GLI3: variants seen among roughly 807,000 people sequenced by gnomAD.
The protein encoded by GLI3 is GLI family zinc finger 3.
A neutral mutation model predicts 100.8 loss-of-function variants in GLI3; 20 were observed. The observed-to-expected ratio is 0.20, with a 90% CI of 0.14 to 0.29. The LOEUF (loss-of-function observed/expected upper bound fraction) is 0.29, where lower values mean the gene tolerates loss of function less well. GLI3 is among the 10% of genes least tolerant of loss of function. The probability of loss-of-function intolerance (pLI) is 1.00; values close to 1 mark genes in which losing one functional copy is unlikely to be tolerated. For synonymous variants in GLI3, 938 were observed against 860.5 expected (o/e 1.09, Z -1.58); for missense variants, 2,040 against 2,128.5 (o/e 0.96, Z 0.82).
chr7:42,087,669 T>A (rs987499967), intron 3 of GLI3, among the ~76,000 whole-genome samples: 1 of 150,724 alleles, frequency 6.6e-6, no homozygotes, highest in Admixed American at 6.6e-5. Context: ...GTTTAAAAGC[T>A]CATGACAGAA....
rs3057276 is a variant in GLI3 at position 42,254,217 on chromosome 7, T to TAAAAAAAAA, written c.-43+9768_-43+9776dup. Among the ~76,000 whole-genome samples, 162 of 118,474 alleles carry TAAAAAAAAA rather than the reference T, an allele frequency of 1.4e-3. 4 individuals carry two copies. Among genetic ancestry groups the TAAAAAAAAA allele is most frequent in the East Asian group, 0.01 (41 of 4,004 alleles). The allele number at this position is 118,474 out of a possible 152,430, so 77.7% of individuals were successfully genotyped here. A position where few individuals can be genotyped will look rare whatever the true frequency, so the allele number is the denominator to read the frequency against. On this transcript the variant is annotated intron_variant, in intron 1 of 2. Transcript: ENST00000678978. The stretch of plus-strand genomic sequence containing the variant: ...CTGGGCAACAAGAGCAAAACTCCGT[T>TAAAAAAAAA]AAAAAAAAAAAAAAAGCCAATGGAA...
At chr7:42,259,361 C>T (rs1583679191) in intron 1 of GLI3, among the ~76,000 whole-genome samples, 4 of 152,264 alleles carry the variant, frequency 2.6e-5, no homozygotes, top group Admixed American at 6.5e-5. Context: ...ATCTTTAGGG[C>T]TTAGAACTCT....
At chr7:42,058,632 T>A (rs2082851992) in intron 4 of GLI3, among the ~76,000 whole-genome samples, 1 of 152,194 alleles carries the variant, frequency 6.6e-6, no homozygotes, top group African/African-American at 2.4e-5. Context: ...AAGGTGGACA[T>A]CTGTGTATTA....
In GLI3 at chr7:42,148,231, T is replaced by A. The variant is rs573909106; in HGVS notation, c.362A>T (p.His121Leu). ...CGACTGGCATGGGCACTTACGGTAG[T>A]GGGGCTCCATGTAACCATTCCTGGG... ...MDPRNGYMEP[H>L]YHPPHLFPAF... The change falls in exon 3 of 15, where the codon CAC becomes CTC. Residue 121 changes from histidine (H) to leucine (L), a missense_variant. By Grantham distance (99) the His-to-Leu change is moderately conservative. Coordinates refer to ENST00000395925, the MANE Select transcript of GLI3 (RefSeq NM_000168.6). 11 of 1,609,784 alleles carry A rather than the reference T, an allele frequency of 6.8e-6. No individual in the cohort carries two copies. Among genetic ancestry groups the A allele is most frequent in the Non-Finnish European group, 9.3e-6 (11 of 1,177,782 alleles).
chr7:42,106,167 C>T (rs1785569880), intron 3 of GLI3, among the ~76,000 whole-genome samples: 1 of 152,200 alleles, frequency 6.6e-6, no homozygotes, highest in East Asian at 1.9e-4. Context: ...GCAGCCTGGC[C>T]TCACCGTCCA....
chr7:42,214,315 A>G (rs1788329953), intron 2 of GLI3, among the ~76,000 whole-genome samples: 1 of 152,184 alleles, frequency 6.6e-6, no homozygotes, highest in South Asian at 2.1e-4. Context: ...ATTGTGTGGC[A>G]CAGTCAGACC....
At position 41,965,558 on chromosome 7, in the gene GLI3, A is replaced by G; in HGVS notation, c.3515T>C (p.Leu1172Pro). The change falls in exon 15 of 15, where the codon CTG becomes CCG. Residue 1172 changes from leucine to proline, a missense_variant. Physicochemically the swap from Leu to Pro is moderately conservative, Grantham distance 98 (BLOSUM62 -3). This residue lies in a region of GLI3 where 1,041 missense variants were observed against 924.0 expected (regional missense o/e 1.13). Coordinates refer to ENST00000395925, the MANE Select transcript of GLI3 (RefSeq NM_000168.6). ...WNEVSSGSAD[L>P]SSSKLKCGPR... is the part of the protein sequence containing the mutation. ...CCCACACTTGAGCTTGGAGGAGGAC[A>G]GGTCGGCGCTTCCGGAGCTGACTTC... 6.2e-7 allele frequency: 1 copy of G among 1,604,782 alleles called. No individual in the cohort carries two copies. The highest frequency in any genetic ancestry group is 8.5e-7 in the Non-Finnish European group (1 of 1,172,628).
intron 10 of GLI3, among the ~76,000 whole-genome samples, chr7:41,983,826 T>C (rs1289439174): frequency 6.6e-6 from 1 of 152,210 alleles, no homozygotes; most frequent in African/African-American, 2.4e-5. Flanking sequence ...GATGGGTCCA[T>C]GTCTTCAGTT....
intron 2 of GLI3, among the ~76,000 whole-genome samples, chr7:42,170,287 T>TATATATATACACACAC (rs1452471645): frequency 2.8e-4 from 35 of 124,000 alleles, no homozygotes; most frequent in African/African-American, 1.0e-3. Flanking sequence ...TATATATATA[T>TATATATATACACACAC]ACACACACAT....
At chr7:41,998,317 A>T (rs1055079903) in intron 10 of GLI3, among the ~76,000 whole-genome samples, 10 of 152,144 alleles carry the variant, frequency 6.6e-5, no homozygotes, top group African/African-American at 1.2e-4. Context: ...TATACATATT[A>T]AAAAAATAGC....
intron 2 of GLI3, among the ~76,000 whole-genome samples, chr7:42,185,098 G>T (rs1419508735): frequency 1.2e-5 from 1 of 81,848 alleles, no homozygotes; most frequent in East Asian, 3.5e-4. Flanking sequence ...GGCAGGCTGA[G>T]GAGATCTACA....
intron 2 of GLI3, among the ~76,000 whole-genome samples, chr7:42,184,676 G>T (rs186958108): frequency 6.6e-6 from 1 of 152,120 alleles, no homozygotes; most frequent in Non-Finnish European, 1.5e-5. Flanking sequence ...ACCCTTTAGC[G>T]CTCAGCCCAT....
At chr7:42,168,009 A>G (rs1428697107) in intron 2 of GLI3, among the ~76,000 whole-genome samples, 1 of 152,248 alleles carries the variant, frequency 6.6e-6, no homozygotes, top group Non-Finnish European at 1.5e-5. Flanking sequence ...AAGGTTGCTT[A>G]TAAGACCAAC....
chr7:42,228,250 C>T (rs1788623834), intron 1 of GLI3, among the ~76,000 whole-genome samples: 1 of 152,132 alleles, frequency 6.6e-6, no homozygotes, highest in South Asian at 2.1e-4. Context: ...TGCTGGATTG[C>T]TCAGAGACGG....
intron 9 of GLI3, 63 bp from the exon 10 acceptor site, chr7:42,023,671 G>C: frequency 6.8e-7 from 1 of 1,470,276 alleles, no homozygotes; most frequent in Admixed American, 1.7e-5. Flanking sequence ...CAACAGGAGG[G>C]AAGACAAGAA....
At position 42,213,608 on chromosome 7, in the gene GLI3, G is replaced by C. The variant is rs371857759; in HGVS notation, c.124+9522C>G. ...GTCTGGGGTTCTCTGTGGCAGCTCT[G>C]AGTCCATTCAATATTTTCCACAGAC... On this transcript the variant is annotated intron_variant, in intron 2 of 14. Transcript: ENST00000395925. 6.6e-5 allele frequency among the ~76,000 whole-genome samples: 10 copies of C among 152,304 alleles called. No homozygotes were observed. The South Asian group carries it at 2.1e-3, about 32-fold the overall frequency.
At chr7:42,194,438 T>C (rs1583637752) in intron 2 of GLI3, among the ~76,000 whole-genome samples, 1 of 152,308 alleles carries the variant, frequency 6.6e-6, no homozygotes. Flanking sequence ...CATCCAACTT[T>C]TCTGGCTCTG....
At chr7:42,163,753 C>T (rs890204312) in intron 2 of GLI3, among the ~76,000 whole-genome samples, 33 of 152,006 alleles carry the variant, frequency 2.2e-4, no homozygotes, top group Non-Finnish European at 3.4e-4. Context: ...ATTTTTTACA[C>T]ATCACAACCA....
At chr7:42,234,838 T>C (rs1262829603) in intron 1 of GLI3, among the ~76,000 whole-genome samples, 1 of 152,212 alleles carries the variant, frequency 6.6e-6, no homozygotes, top group Non-Finnish European at 1.5e-5. Flanking sequence ...TCTAATTAAA[T>C]AGCTTTTAGT....
Sources: allele counts gnomAD v4.1 joint callset (sites outside exome capture counted in the v4.1 genomes callset), GRCh38; gene constraint gnomAD v4.1.1; regional missense constraint gnomAD v4.1.1; transcripts MANE v1.5; gene names NCBI Gene and HGNC (gene_info 2026-07-23, HGNC 2026-07-21).